USP37: variants seen among roughly 807,000 people sequenced by gnomAD.
USP37 encodes the protein ubiquitin carboxyl-terminal hydrolase 37.
In USP37, 27 loss-of-function variants were observed where a neutral mutation model predicts 124.0. The observed-to-expected ratio is 0.22, with a 90% CI of 0.16 to 0.30. The LOEUF is 0.30. Ranked by LOEUF, USP37 falls within the 10% of genes least tolerant of loss-of-function variation. The pLI, the probability that USP37 is intolerant of heterozygous loss-of-function variation, is 1.00. For synonymous variants in USP37, 365 were observed against 388.0 expected (o/e 0.94, Z 0.70); for missense variants, 889 against 1,140.4 (o/e 0.78, Z 3.17).
chr2:218,542,200 C>G (rs910362559), intron 8 of USP37, among the ~76,000 whole-genome samples: 1 of 152,188 alleles, frequency 6.6e-6, no homozygotes, highest in Non-Finnish European at 1.5e-5. Context: ...TCTATAAGCA[C>G]TGCTTTAAAT....
chr2:218,564,643 G>A (rs140707729), intron 1 of USP37, among the ~76,000 whole-genome samples: 4 of 152,110 alleles, frequency 2.6e-5, no homozygotes, highest in South Asian at 2.1e-4. Flanking sequence ...TTCTCCCTAA[G>A]GTGGGAGTGG....
chr2:218,516,847 G>A (rs894366006), intron 10 of USP37, among the ~76,000 whole-genome samples: 3 of 152,156 alleles, frequency 2.0e-5, no homozygotes, highest in Non-Finnish European at 4.4e-5. Context: ...ATGCATGTAT[G>A]TTTATTTTGA....
In USP37 at chr2:218,510,184, A is replaced by C. The variant is rs9678457; in HGVS notation, c.864-44T>G. ...AATGAAGAAGCAAAATAAATTTTTG[A>C]ATACTACTATTTTCCTTGAATAGAT... On this transcript the variant is annotated intron_variant, in intron 10 of 25. Transcript: ENST00000258399. The C allele has an allele frequency of 2.5e-6, 4 of 1,580,176 alleles. No homozygotes were observed. In the African/African-American group the frequency reaches 5.5e-5, roughly 22 times the overall value.
intron 6 of USP37, among the ~76,000 whole-genome samples, chr2:218,548,272 A>G (rs190436283): frequency 2.0e-5 from 3 of 152,280 alleles, no homozygotes; most frequent in Admixed American, 6.5e-5. Context: ...GTAGCATACT[A>G]CATGTCCACT....
chr2:218,499,832 A>T (rs1689275845), intron 11 of USP37, among the ~76,000 whole-genome samples: 2 of 152,138 alleles, frequency 1.3e-5, no homozygotes, highest in Admixed American at 1.3e-4. Flanking sequence ...TCCTGGCTGG[A>T]GTGCAGTGGT....
chr2:218,560,303 T>C (rs556857439), intron 3 of USP37, among the ~76,000 whole-genome samples: 2 of 152,118 alleles, frequency 1.3e-5, no homozygotes, highest in Non-Finnish European at 2.9e-5. Flanking sequence ...GGCTAGTATA[T>C]AAAGGAAAAT....
chr2:218,463,199 C>T (rs1559162216), intron 22 of USP37, 107 bp downstream of exon 22: 4 of 585,684 alleles, frequency 6.8e-6, no homozygotes, highest in Non-Finnish European at 1.2e-5. Context: ...CACACACACA[C>T]ACACACACAC....
chr2:218,521,346 C>T (rs1472006336), intron 10 of USP37, among the ~76,000 whole-genome samples: 1 of 152,058 alleles, frequency 6.6e-6, no homozygotes, highest in Non-Finnish European at 1.5e-5. Context: ...TTAAATTTTA[C>T]CTCAAGTTCT....
At chr2:218,519,727 TAGA>T (rs1690495786) in intron 10 of USP37, among the ~76,000 whole-genome samples, 1 of 151,080 alleles carries the variant, frequency 6.6e-6, no homozygotes, top group Admixed American at 6.6e-5. Context: ...GAGACTGAGG[TAGA>T]AGAATAGCAT....
Position 218,557,930 on chromosome 2 carries a change from C to CAAA in USP37, c.156+565_156+567dup, listed in dbSNP as rs61488353. On this transcript the variant is annotated intron_variant, in intron 4 of 25. Transcript: ENST00000258399. ...TGGGTGACAGAGGAAGACTCTGTCT[C>CAAA]AAAAAAAAAAAAAAAAAAAAGGTGA... Among the ~76,000 whole-genome samples the CAAA allele has an allele frequency of 6.3e-3, 223 of 35,304 alleles. 11 individuals carry two copies. The highest frequency in any genetic ancestry group is 0.011 in the Admixed American group (22 of 1,932). 23.2% of individuals were successfully genotyped at this position (35,304 alleles called of 152,430 possible). A position where few individuals can be genotyped will look rare whatever the true frequency, so the allele number is the denominator to read the frequency against.
intron 8 of USP37, among the ~76,000 whole-genome samples, chr2:218,542,884 A>C (rs944435861): frequency 1.3e-5 from 2 of 152,212 alleles, no homozygotes; most frequent in African/African-American, 4.8e-5. Context: ...GAATATACAA[A>C]ATTTGTTATT....
intron 11 of USP37, among the ~76,000 whole-genome samples, chr2:218,502,449 T>C (rs951337526): frequency 5.3e-5 from 8 of 151,904 alleles, no homozygotes; most frequent in Non-Finnish European, 1.0e-4. Flanking sequence ...CAAATACAAT[T>C]ATATTTATAT....
chr2:218,508,501 A>T (rs1195083778), intron 11 of USP37, among the ~76,000 whole-genome samples: 1 of 152,198 alleles, frequency 6.6e-6, no homozygotes, highest in African/African-American at 2.4e-5. Context: ...AACAGAAACC[A>T]CAAGTAAACT....
rs139092335 is a variant in USP37 at position 218,504,022 on chromosome 2, T to C, written c.1026-5865A>G. On this transcript the variant is annotated intron_variant, in intron 11 of 25. Transcript: ENST00000258399. The stretch of plus-strand genomic sequence containing the variant: ...AGACACAGCAGACTTCAGAAAAATA[T>C]TATCAGGGATAAAAAGGGGCATTTC... Among the ~76,000 whole-genome samples the C allele has an allele frequency of 1.1e-4, 16 of 152,314 alleles. No homozygotes were observed. The East Asian group carries it at 2.9e-3, about 28-fold the overall frequency.
intron 10 of USP37, among the ~76,000 whole-genome samples, chr2:218,527,535 C>T (rs1691049888): frequency 6.6e-6 from 1 of 152,242 alleles, no homozygotes; most frequent in South Asian, 2.1e-4. Context: ...TTAGTTTTCT[C>T]ACCAATCTGG....
intron 4 of USP37, among the ~76,000 whole-genome samples, chr2:218,556,507 T>A (rs1490361245): frequency 7.7e-6 from 1 of 129,656 alleles, no homozygotes; most frequent in African/African-American, 2.9e-5. Flanking sequence ...TTTTCTGTTT[T>A]TTTTTTTTTT....
chr2:218,559,308 C>A (rs1274327323), intron 3 of USP37, among the ~76,000 whole-genome samples: 1 of 152,122 alleles, frequency 6.6e-6, no homozygotes, highest in Non-Finnish European at 1.5e-5. Context: ...AAGACACTGT[C>A]TCAAAACAAA....
At position 218,455,429 on chromosome 2, in the gene USP37, C is replaced by A. The variant is rs567330590; in HGVS notation, c.2852+151G>T. 3.6e-5 allele frequency: 34 copies of A among 952,672 alleles called. No homozygotes were observed. In the South Asian group the frequency reaches 5.8e-4, roughly 16 times the overall value. 59.0% of individuals were successfully genotyped at this position (952,672 alleles called of 1,614,324 possible). On this transcript the variant is annotated intron_variant, in intron 25 of 25. Transcript: ENST00000258399. ...ATATTCTGGACTTACAAGGAAATATCAAGAGATAGACCCTAACCAAAGATG... is the reference window on the plus strand; with the variant it reads ...ATATTCTGGACTTACAAGGAAATATAAAGAGATAGACCCTAACCAAAGATG...
intron 19 of USP37, among the ~76,000 whole-genome samples, chr2:218,476,331 A>C (rs1376079249): frequency 6.6e-6 from 1 of 152,150 alleles, no homozygotes; most frequent in East Asian, 1.9e-4. Context: ...CCCAGCACTT[A>C]GGGAAGCTGA....
Sources: gnomAD v4.1 joint callset for allele counts (sites outside exome capture counted in the v4.1 genomes callset) on GRCh38, gnomAD v4.1.1 for gene constraint, MANE v1.5 for transcripts, NCBI Gene and HGNC (gene_info 2026-07-23, HGNC 2026-07-21) for gene names.